Variants in TMEM114 observed in about 807,000 individuals in gnomAD.
TMEM114 encodes the protein transmembrane protein 114.
Under a neutral mutation model 6.2 loss-of-function variants are expected in TMEM114, and 6 were observed. That is an observed-to-expected ratio of 0.97 (90% CI 0.53 to 1.91). The LOEUF is 1.91. TMEM114 is among the 40% of genes most tolerant of loss of function. TMEM114 has a pLI of 0.01. For missense variants in TMEM114, 218 were observed against 158.3 expected (o/e 1.38, Z -2.02); for synonymous variants, 104 against 73.0 (o/e 1.42, Z -2.16).
chr16:8,577,592 T>G (rs970392303), intron 2 of TMEM114, among the ~76,000 whole-genome samples: 6 of 124,892 alleles, frequency 4.8e-5, no homozygotes, highest in East Asian at 3.9e-4. Context: ...TTGTTTTTTG[T>G]TTTTTTTTTG....
intron 2 of TMEM114, among the ~76,000 whole-genome samples, chr16:8,557,335 C>A (rs1226532259): frequency 6.6e-6 from 1 of 152,138 alleles, no homozygotes; most frequent in Non-Finnish European, 1.5e-5. Flanking sequence ...AGCCCTGATA[C>A]TACCATATTG....
intron 2 of TMEM114, among the ~76,000 whole-genome samples, chr16:8,547,860 G>A (rs1900721307): frequency 6.6e-6 from 1 of 152,126 alleles, no homozygotes; most frequent in South Asian, 2.1e-4. Flanking sequence ...GTTCACAGCT[G>A]AGAAACCCCT....
At chr16:8,527,804 A>C in the TMEM114 span, among the ~76,000 whole-genome samples, 1 of 152,108 alleles carries the variant, frequency 6.6e-6, no homozygotes, top group Non-Finnish European at 1.5e-5. Flanking sequence ...TCTCCCCCCA[A>C]TACAGGATGT....
At chr16:8,530,509 G>A in the TMEM114 span, among the ~76,000 whole-genome samples, 1 of 152,104 alleles carries the variant, frequency 6.6e-6, no homozygotes, top group African/African-American at 2.4e-5. Context: ...GAAAGAGAAT[G>A]AGAGAGAAGA....
At chr16:8,571,614 TTC>T (rs1439952443) in intron 3 of TMEM114, among the ~76,000 whole-genome samples, 2 of 130,332 alleles carry the variant, frequency 1.5e-5, no homozygotes, top group Non-Finnish European at 3.2e-5. Flanking sequence ...GCCTGTTCCA[TTC>T]TCTCTTTCTG....
Position 8,589,802 on chromosome 16 carries a change from C to T in TMEM114, c.37G>A (p.Ala13Thr), listed in dbSNP as rs1262595917. 3 of 398,414 alleles carry T rather than the reference C, an allele frequency of 7.5e-6. No homozygotes were observed. Among genetic ancestry groups the T allele is most frequent in the Non-Finnish European group, 1.3e-5 (3 of 226,084 alleles). 24.7% of individuals were successfully genotyped at this position (398,414 alleles called of 1,614,324 possible). The change falls in exon 1 of 4, where the codon GCG becomes ACG. Residue 13 changes from alanine (A) to threonine (T), a missense_variant. Ala to Thr is a moderately conservative substitution (Grantham distance 58). Coordinates refer to ENST00000620492, the MANE Select transcript of TMEM114 (RefSeq NM_001146336.2). ...ACAAAGCTGAGCGCCCCGGTCAGCG[C>T]AGCCGCGCCGGCCAGCCCGCCCAGG... ...VHLGGLAGAA[A>T]LTGALSFVLL...
rs1430857318 is a variant in TMEM114 at position 8,569,800 on chromosome 16, C to G, written c.645G>C (p.Leu215=). The G allele has an allele frequency of 2.5e-5, 38 of 1,550,670 alleles. No individual in the cohort carries two copies. Among genetic ancestry groups the G allele is most frequent in the Non-Finnish European group, 3.3e-5 (38 of 1,146,922 alleles). The change falls in exon 4 of 4, where the codon CTG becomes CTC. Residue 215 remains leucine, a synonymous_variant. Transcript: ENST00000620492. The part of the protein sequence containing the change: ...AFLAAARELS[L]RRRQDQAI The stretch of plus-strand genomic sequence containing the variant: ...ATATGGCCTGGTCCTGCCTCCGTCT[C>G]AGGCTGAGCTCGCGGGCTGCTGCCA...
At chr16:8,538,452 G>C (rs1387285165) in intron 2 of TMEM114, among the ~76,000 whole-genome samples, 1 of 152,056 alleles carries the variant, frequency 6.6e-6, no homozygotes, top group Non-Finnish European at 1.5e-5. Context: ...TGGACCATAT[G>C]GCTGTATGAA....
At chr16:8,545,752 T>G (rs574405155) in intron 2 of TMEM114, among the ~76,000 whole-genome samples, 4 of 152,336 alleles carry the variant, frequency 2.6e-5, no homozygotes, top group Admixed American at 6.5e-5. Flanking sequence ...ATATTACCAT[T>G]TCATTTATGG....
chr16:8,541,583 C>A (rs1361327435), intron 2 of TMEM114, among the ~76,000 whole-genome samples: 1 of 152,134 alleles, frequency 6.6e-6, no homozygotes, highest in African/African-American at 2.4e-5. Context: ...CATTCCAGTC[C>A]CACATCTTCA....
At chr16:8,585,281 TG>T (rs1902284220) in intron 2 of TMEM114, among the ~76,000 whole-genome samples, 1 of 152,206 alleles carries the variant, frequency 6.6e-6, no homozygotes, top group African/African-American at 2.4e-5. Context: ...AGATGACATT[TG>T]GGTGGGGGCA....
At chr16:8,546,794 C>T (rs1596468923) in intron 2 of TMEM114, among the ~76,000 whole-genome samples, 2 of 152,326 alleles carry the variant, frequency 1.3e-5, no homozygotes, top group South Asian at 4.1e-4. Context: ...TCTTTTTCTT[C>T]TGCAATAAAG....
chr16:8,542,337 C>T (rs1453411217), intron 2 of TMEM114, among the ~76,000 whole-genome samples: 1 of 152,190 alleles, frequency 6.6e-6, no homozygotes, highest in Non-Finnish European at 1.5e-5. Context: ...CTCTGGGTAG[C>T]AGTAAACCAA....
chr16:8,552,645 G>A (rs754548621), intron 2 of TMEM114, among the ~76,000 whole-genome samples: 1 of 151,714 alleles, frequency 6.6e-6, no homozygotes, highest in East Asian at 1.9e-4. Context: ...AAGGGTTCAA[G>A]GTACTCTATG....
At chr16:8,555,366 T>C (rs1371495426) in intron 2 of TMEM114, among the ~76,000 whole-genome samples, 4 of 152,180 alleles carry the variant, frequency 2.6e-5, no homozygotes, top group Non-Finnish European at 5.9e-5. Flanking sequence ...GTGCTAAGAG[T>C]AGCAGCTCAG....
chr16:8,527,712 G>A, the TMEM114 span, among the ~76,000 whole-genome samples: 2 of 152,110 alleles, frequency 1.3e-5, no homozygotes, highest in African/African-American at 4.8e-5. Flanking sequence ...TATGCTCAGG[G>A]AGGTTTAGTA....
intron 2 of TMEM114, chr16:8,537,973 G>A (rs1387122587): frequency 6.6e-6 from 1 of 152,038 alleles, no homozygotes; most frequent in Admixed American, 6.6e-5. Context: ...AAGGTGTCAT[G>A]GCAGGGGTGG....
At position 8,569,767 on chromosome 16, in the gene TMEM114, C is replaced by T; in HGVS notation, c.*6G>A. On this transcript the variant is annotated 3_prime_UTR_variant, in exon 4 of 4. Coordinates refer to ENST00000620492, the MANE Select transcript of TMEM114 (RefSeq NM_001146336.2). Reference sequence around the variant, plus strand: ...CTCCCTCCCCTCCACGACCCAGCGCCCAGGCTCATATGGCCTGGTCCTGCC... The same window carrying T: ...CTCCCTCCCCTCCACGACCCAGCGCTCAGGCTCATATGGCCTGGTCCTGCC... The T allele has an allele frequency of 1.3e-6, 2 of 1,547,748 alleles. No homozygotes were observed. Among genetic ancestry groups the T allele is most frequent in the Non-Finnish European group, 1.7e-6 (2 of 1,144,930 alleles).
intron 2 of TMEM114, among the ~76,000 whole-genome samples, chr16:8,555,725 G>A (rs1223337473): frequency 6.6e-6 from 1 of 152,186 alleles, no homozygotes; most frequent in Non-Finnish European, 1.5e-5. Flanking sequence ...GGGGACACCT[G>A]GCAATATCTG....
Sources: gnomAD v4.1 joint callset for allele counts (sites outside exome capture counted in the v4.1 genomes callset) on GRCh38, gnomAD v4.1.1 for gene constraint, MANE v1.5 for transcripts, NCBI Gene and HGNC (gene_info 2026-07-23, HGNC 2026-07-21) for gene names.